The following KRT23 variants were observed in gnomAD, a reference collection of about 807,000 sequenced individuals.
The protein encoded by KRT23 is keratin, type I cytoskeletal 23.
A neutral mutation model predicts 47.6 loss-of-function variants in KRT23; 38 were observed. That is an observed-to-expected ratio of 0.80 (90% CI 0.62 to 1.05). The LOEUF (loss-of-function observed/expected upper bound fraction) is 1.05, where lower values mean the gene tolerates loss of function less well. Among genes scored for constraint, KRT23 ranks in the 50% least tolerant of loss-of-function variants. KRT23 has a pLI of 0.00. For synonymous variants in KRT23, 191 were observed against 199.0 expected, an observed-to-expected ratio of 0.96 and a Z score of 0.34; for missense variants, 503 against 529.5, an observed-to-expected ratio of 0.95 and a Z score of 0.49.
At chr17:40,927,732 TTTGGAG>T (rs1406710482) in intron 6 of KRT23, among the ~76,000 whole-genome samples, 1 of 152,206 alleles carries the variant, frequency 6.6e-6, no homozygotes, top group Non-Finnish European at 1.5e-5. Flanking sequence ...AGGGCAGTGC[TTTGGAG>T]TTAGCCAGGC....
At chr17:40,925,293 C>T (rs1909152595) in intron 7 of KRT23, 61 bp downstream of exon 7, 4 of 1,410,066 alleles carry the variant, frequency 2.8e-6, no homozygotes, top group South Asian at 1.2e-5. Flanking sequence ...AAGATGCACA[C>T]ATATACCCAC....
intron 4 of KRT23, 21 bp from the exon 5 acceptor site, chr17:40,928,628 G>A (rs774283128): frequency 2.5e-6 from 4 of 1,605,134 alleles, no homozygotes; most frequent in Non-Finnish European, 2.5e-6. Context: ...ACAGAGAAAG[G>A]AAATGAACCG....
In KRT23 at chr17:40,936,296, C is replaced by T. The variant is rs1475879246; in HGVS notation, c.308G>A (p.Arg103His). The change falls in exon 2 of 9, where the codon CGC becomes CAC. Residue 103 changes from arginine to histidine, a missense_variant. Arg to His is a conservative substitution (Grantham distance 29, BLOSUM62 0). Coordinates refer to ENST00000209718, the MANE Select transcript of KRT23 (RefSeq NM_015515.5). ...TCTCTGCTGGTGCCATTTCAGGATG[C>T]GGCTTTCCAGCTTCATGTTGGCCTC... ...LEEANMKLES[R>H]ILKWHQQRDP... The T allele has an allele frequency of 5.6e-6, 9 of 1,614,104 alleles. No homozygotes were observed. The highest frequency in any genetic ancestry group is 1.6e-4 in the Middle Eastern group (1 of 6,078).
At chr17:40,933,947 G>A (rs1712548861) in intron 2 of KRT23, among the ~76,000 whole-genome samples, 2 of 152,142 alleles carry the variant, frequency 1.3e-5, no homozygotes, top group Admixed American at 1.3e-4. Flanking sequence ...ACTAGGGAGA[G>A]GAAAACAGAA....
At chr17:40,923,944 C>A (rs570685214) in intron 8 of KRT23, among the ~76,000 whole-genome samples, 1 of 152,332 alleles carries the variant, frequency 6.6e-6, no homozygotes, top group African/African-American at 2.4e-5. Context: ...CTGGGCTAAA[C>A]AAAGTTAAAC....
At chr17:40,925,258 G>A in intron 7 of KRT23, 96 bp downstream of exon 7, 1 of 1,031,338 alleles carries the variant, frequency 9.7e-7, no homozygotes, top group East Asian at 2.4e-5. Context: ...TCTCTTGCTA[G>A]AGTGACTCTT....
In KRT23 at chr17:40,923,052, G is replaced by T; in HGVS notation, c.1206C>A (p.Thr402=). Residue 402 remains threonine (T), a synonymous_variant, in exon 9 of 9, where the codon ACC becomes ACA. Transcript: ENST00000209718. The part of the protein sequence containing the change: ...VSATPKIKAI[T]QETINGRLVL... The stretch of plus-strand genomic sequence containing the variant: ...CTAATCTTCCGTTGATGGTCTCCTG[G>T]GTTATGGCCTTGATCTTTGGAGTTG... 6.2e-7 allele frequency: 1 copy of T among 1,613,992 alleles called. No homozygotes were observed. The highest frequency in any genetic ancestry group is 1.1e-5 in the South Asian group (1 of 91,082).
rs373137125 is a variant in KRT23 at position 40,936,624 on chromosome 17, C to T, written c.-21G>A. ...TTCATGGTCCCATCTGTGTTTGGGA[C>T]GGGGCTGAGCTCTGCTCCACTCCCT... On this transcript the variant is annotated 5_prime_UTR_variant, in exon 2 of 9. Transcript: ENST00000209718. The T allele has an allele frequency of 1.6e-4, 239 of 1,503,992 alleles. 1 individual carries two copies. The African/African-American group carries it at 2.6e-3, about 16-fold the overall frequency. 93.2% of individuals were successfully genotyped at this position (1,503,992 alleles called of 1,614,324 possible).
intron 2 of KRT23, among the ~76,000 whole-genome samples, chr17:40,935,995 T>C (rs977848999): frequency 2.0e-5 from 3 of 152,204 alleles, no homozygotes; most frequent in African/African-American, 4.8e-5. Context: ...TTTTCTACAT[T>C]ATCCATGGAC....
At chr17:40,934,036 A>G (rs779187706) in intron 2 of KRT23, among the ~76,000 whole-genome samples, 25 of 152,212 alleles carry the variant, frequency 1.6e-4, no homozygotes, top group Admixed American at 3.3e-4. Context: ...TACTCCTATG[A>G]CTGTGTCCAA....
At chr17:40,925,131 T>G in intron 7 of KRT23, 1 of 577,482 alleles carries the variant, frequency 1.7e-6, no homozygotes, top group East Asian at 2.8e-5. Context: ...CTAGAGACTT[T>G]AACTCTTCTG....
intron 3 of KRT23, 49 bp downstream of exon 3, chr17:40,931,324 T>C (rs1909664606): frequency 6.9e-7 from 1 of 1,450,646 alleles, no homozygotes; most frequent in Middle Eastern, 1.7e-4. Flanking sequence ...TTTCCTTTTG[T>C]AAAGCAAACA....
Position 40,922,881 on chromosome 17 carries a change from A to T in KRT23, c.*108T>A. The T allele has an allele frequency of 2.7e-6, 2 of 744,944 alleles. No homozygotes were observed. Among genetic ancestry groups the T allele is most frequent in the Non-Finnish European group, 4.6e-6 (2 of 435,832 alleles). 46.1% of individuals were successfully genotyped at this position (744,944 alleles called of 1,614,324 possible). ...CAGAAAAAAAAAATAAAAGTTTCTG[A>T]GTCTGATAATTCCAAGGGTATCTTT... On this transcript the variant is annotated 3_prime_UTR_variant, in exon 9 of 9. Transcript: ENST00000209718.
rs1909395794 is a variant in KRT23 at position 40,928,565 on chromosome 17, C to T, written c.679G>A (p.Val227Met). ...HHVPSDFNVNVKVDTGPREDL... is the reference protein window; with the variant it reads ...HHVPSDFNVNMKVDTGPREDL... ...TCCCTGGGACCTGTATCCACCTTCA[C>T]ATTGACATTGAAGTCACTTGGCACA... Residue 227 changes from valine (V) to methionine (M), a missense_variant, in exon 5 of 9, where the codon GTG becomes ATG. By Grantham distance (21) the Val-to-Met change is conservative (BLOSUM62 1). Coordinates refer to ENST00000209718, the MANE Select transcript of KRT23 (RefSeq NM_015515.5). 5.0e-6 allele frequency: 8 copies of T among 1,613,868 alleles called. No individual in the cohort carries two copies. Among genetic ancestry groups the T allele is most frequent in the African/African-American group, 2.7e-5 (2 of 75,064 alleles).
chr17:40,931,105 G>T (rs1410104702), intron 3 of KRT23, among the ~76,000 whole-genome samples: 2 of 145,078 alleles, frequency 1.4e-5, no homozygotes, highest in Non-Finnish European at 3.0e-5. Flanking sequence ...TCCACCTCCT[G>T]GGTTCAAGTG....
rs771894404 is a variant in KRT23, at chr17:40,925,334, C to G, written c.1142+20G>C. 1.2e-5 allele frequency: 19 copies of G among 1,606,086 alleles called. No homozygotes were observed. Among genetic ancestry groups the G allele is most frequent in the Non-Finnish European group, 1.1e-5 (13 of 1,174,222 alleles). ...CTGGAGGTCCCTCGCATGCTCCTCT[C>G]GTGCCAGCCTTTGCCTTACCCTTCA... On this transcript the variant is annotated intron_variant, in intron 7 of 8. Coordinates refer to ENST00000209718, the MANE Select transcript of KRT23 (RefSeq NM_015515.5).
chr17:40,928,121 A>G (rs560768097), intron 6 of KRT23, 117 bp downstream of exon 6: 519 of 1,273,320 alleles, frequency 4.1e-4, no homozygotes, highest in Non-Finnish European at 5.4e-4. Context: ...TTTGGATGGA[A>G]AGTGGAAAGT....
At chr17:40,935,691 A>G (rs2315603) in intron 2 of KRT23, among the ~76,000 whole-genome samples, 67,060 of 152,040 alleles carry the variant, frequency 0.44, 15,451 homozygotes, top group East Asian at 0.72. Flanking sequence ...ACTTTTAGGC[A>G]TAATCTTCAA....
intron 3 of KRT23, among the ~76,000 whole-genome samples, chr17:40,930,792 T>C (rs988647749): frequency 1.3e-5 from 2 of 151,264 alleles, no homozygotes; most frequent in Admixed American, 6.6e-5. Context: ...AATAAATAAA[T>C]AAATAAATAA....
Sources: allele counts gnomAD v4.1 joint callset (sites outside exome capture counted in the v4.1 genomes callset), GRCh38; gene constraint gnomAD v4.1.1; transcripts MANE v1.5; gene names NCBI Gene and HGNC (gene_info 2026-07-23, HGNC 2026-07-21).